Variants in CPED1 observed in about 807,000 individuals in gnomAD.
CPED1 encodes the protein cadherin like and PC-esterase domain containing 1.
Under a neutral mutation model 128.2 loss-of-function variants are expected in CPED1, and 114 were observed. The observed-to-expected ratio is 0.89, with a 90% CI of 0.76 to 1.04. The LOEUF (loss-of-function observed/expected upper bound fraction) is 1.04, where lower values mean the gene tolerates loss of function less well. CPED1 is among the 50% of genes least tolerant of loss of function. CPED1 has a pLI of 0.00. For synonymous variants in CPED1, 462 were observed against 426.7 expected, an observed-to-expected ratio of 1.08 and a Z score of -1.02; for missense variants, 1,211 against 1,207.1, an observed-to-expected ratio of 1.00 and a Z score of -0.05.
Position 121,171,460 on chromosome 7 carries a change from C to A in CPED1, c.2055+29319C>A, listed in dbSNP as rs564343731. Among the ~76,000 whole-genome samples the A allele has an allele frequency of 7.2e-4, 110 of 152,242 alleles. 1 individual carries two copies. The highest frequency in any genetic ancestry group is 2.5e-3 in the African/African-American group (103 of 41,544). ...CTTCATTGGCAGCATACCATTTTCC[C>A]AATTCTGCTTTTATTCATATGATTG... On this transcript the variant is annotated intron_variant, in intron 16 of 22. Coordinates refer to ENST00000310396, the MANE Select transcript of CPED1 (RefSeq NM_024913.5).
chr7:121,132,019 G>A (rs1448603616), intron 12 of CPED1, among the ~76,000 whole-genome samples: 1 of 150,244 alleles, frequency 6.7e-6, no homozygotes, highest in African/African-American at 2.5e-5. Context: ...AGTTAATAGT[G>A]AGACAAGTAA....
At chr7:121,282,045 C>T (rs2116773678) in intron 22 of CPED1, among the ~76,000 whole-genome samples, 1 of 152,236 alleles carries the variant, frequency 6.6e-6, no homozygotes, top group Non-Finnish European at 1.5e-5. Context: ...CAAACATTTG[C>T]CAAATCACAC....
chr7:121,283,944 G>A (rs1029750662), intron 22 of CPED1, among the ~76,000 whole-genome samples: 2 of 152,150 alleles, frequency 1.3e-5, no homozygotes, highest in African/African-American at 4.8e-5. Flanking sequence ...TTTTTCAGCA[G>A]TTACTTATAG....
At chr7:121,104,792 T>G (rs974020083) in intron 7 of CPED1, among the ~76,000 whole-genome samples, 6 of 152,136 alleles carry the variant, frequency 3.9e-5, no homozygotes, top group African/African-American at 1.4e-4. Flanking sequence ...TAAAAAAATT[T>G]TAACTGCATG....
chr7:121,251,828 G>A (rs1265285367), intron 18 of CPED1, among the ~76,000 whole-genome samples: 1 of 144,060 alleles, frequency 6.9e-6, no homozygotes, highest in African/African-American at 2.6e-5. Context: ...ACAAACAAAT[G>A]GAAAAACATT....
intron 18 of CPED1, among the ~76,000 whole-genome samples, chr7:121,260,490 C>T (rs1791990928): frequency 6.6e-6 from 1 of 151,938 alleles, no homozygotes; most frequent in African/African-American, 2.4e-5. Flanking sequence ...TGAACCACCC[C>T]TTTCATCATT....
At chr7:121,180,484 G>T (rs1212460558) in intron 16 of CPED1, among the ~76,000 whole-genome samples, 1 of 151,806 alleles carries the variant, frequency 6.6e-6, no homozygotes, top group Non-Finnish European at 1.5e-5. Context: ...ATAATATCCT[G>T]AAATAATTAT....
chr7:121,183,827 A>T (rs1796946432), intron 16 of CPED1, among the ~76,000 whole-genome samples: 1 of 152,188 alleles, frequency 6.6e-6, no homozygotes, highest in African/African-American at 2.4e-5. Flanking sequence ...ATGATTAAAG[A>T]TTCATACAAT....
intron 7 of CPED1, among the ~76,000 whole-genome samples, chr7:121,113,928 A>G (rs967084590): frequency 2.6e-5 from 4 of 152,018 alleles, no homozygotes; most frequent in African/African-American, 9.7e-5. Context: ...TCCTATGTTC[A>G]AGTGATTCTC....
At chr7:121,229,507 AGAAAT>A (rs77670845) in intron 16 of CPED1, among the ~76,000 whole-genome samples, 69,961 of 151,314 alleles carry the variant, frequency 0.46, 18,718 homozygotes, top group East Asian at 0.87. Flanking sequence ...TTTTCGTAGT[AGAAAT>A]GAAATGAAGG....
At chr7:121,116,917 A>G (rs891135307) in intron 7 of CPED1, among the ~76,000 whole-genome samples, 3 of 150,030 alleles carry the variant, frequency 2.0e-5, no homozygotes, top group Non-Finnish European at 4.4e-5. Context: ...AAGGGTAGTG[A>G]TTATTATTAA....
intron 22 of CPED1, among the ~76,000 whole-genome samples, chr7:121,282,693 C>T (rs1011936068): frequency 3.9e-5 from 6 of 152,206 alleles, no homozygotes; most frequent in Non-Finnish European, 7.3e-5. Flanking sequence ...TGATCTTGCC[C>T]ACCATAAATT....
chr7:121,145,690 T>A (rs941210342), intron 16 of CPED1, among the ~76,000 whole-genome samples: 1 of 152,108 alleles, frequency 6.6e-6, no homozygotes, highest in Non-Finnish European at 1.5e-5. Context: ...ATTTCTCTTT[T>A]ATATTTAATC....
chr7:121,198,641 A>G (rs1361986936), intron 16 of CPED1, among the ~76,000 whole-genome samples: 1 of 152,096 alleles, frequency 6.6e-6, no homozygotes, highest in African/African-American at 2.4e-5. Context: ...ACTCTCTGAA[A>G]TTCACTACGC....
chr7:121,092,568 C>T (rs1794599040), intron 5 of CPED1, among the ~76,000 whole-genome samples: 1 of 152,176 alleles, frequency 6.6e-6, no homozygotes, highest in Non-Finnish European at 1.5e-5. Flanking sequence ...TAACCCTTCT[C>T]TTCTAACTTC....
At chr7:121,048,830 T>G (rs937179762) in intron 4 of CPED1, among the ~76,000 whole-genome samples, 1 of 152,222 alleles carries the variant, frequency 6.6e-6, no homozygotes, top group Admixed American at 6.5e-5. Context: ...TAAGCCACCA[T>G]GCCAGGCCTA....
chr7:121,111,280 C>T (rs1563029498), intron 7 of CPED1, among the ~76,000 whole-genome samples: 1 of 152,152 alleles, frequency 6.6e-6, no homozygotes, highest in Non-Finnish European at 1.5e-5. Context: ...CCTCTCTCTG[C>T]CTTTCTTCTC....
At chr7:121,251,982 C>G (rs1320677098) in intron 18 of CPED1, among the ~76,000 whole-genome samples, 1 of 151,494 alleles carries the variant, frequency 6.6e-6, no homozygotes, top group Non-Finnish European at 1.5e-5. Flanking sequence ...TCATATGGAA[C>G]CAAAAAAGAG....
chr7:121,039,088 G>C (rs1354397829), intron 3 of CPED1, among the ~76,000 whole-genome samples: 2 of 152,052 alleles, frequency 1.3e-5, no homozygotes, highest in Admixed American at 1.3e-4. Flanking sequence ...AAGAACTTAT[G>C]CTCTACCTCC....
Sources: allele counts gnomAD v4.1 joint callset (sites outside exome capture counted in the v4.1 genomes callset), GRCh38; gene constraint gnomAD v4.1.1; transcripts MANE v1.5; gene names NCBI Gene and HGNC (gene_info 2026-07-23, HGNC 2026-07-21).